Variants in MED1 observed in about 807,000 individuals in gnomAD.
MED1 encodes mediator complex subunit 1, also known as mediator of RNA polymerase II transcription subunit 1.
A neutral mutation model predicts 121.3 loss-of-function variants in MED1; 17 were observed. The ratio of observed to expected loss-of-function variants is 0.14; its 90% CI spans 0.10 to 0.21. The LOEUF (loss-of-function observed/expected upper bound fraction) is 0.21. Ranked by LOEUF, MED1 falls within the 10% of genes least tolerant of loss-of-function variation. The probability of loss-of-function intolerance (pLI) is 1.00; values close to 1 mark genes in which losing one functional copy is unlikely to be tolerated. For missense variants in MED1, 1,558 were observed against 1,919.4 expected (o/e 0.81, Z 3.52); for synonymous variants, 661 against 694.4 (o/e 0.95, Z 0.76).
At chr17:39,423,952 G>T in intron 11 of MED1, 131 bp from the exon 12 acceptor site, 1 of 1,019,242 alleles carries the variant, frequency 9.8e-7, no homozygotes. Flanking sequence ...GCGTGATCTT[G>T]GCTCACTGCA....
rs2048486284 is a variant in MED1, at chr17:39,423,445, C to T, written c.977G>A (p.Gly326Glu). 1 of 1,600,532 alleles carries T rather than the reference C, an allele frequency of 6.2e-7. No homozygotes were observed. Among genetic ancestry groups the T allele is most frequent in the African/African-American group, 1.3e-5 (1 of 74,604 alleles). Residue 326 changes from glycine (G) to glutamate (E), a missense_variant and splice_region_variant, in exon 13 of 17, where the codon GGA becomes GAA. By Grantham distance (98) the Gly-to-Glu change is moderately conservative (BLOSUM62 -2). Around this residue, in one of 5 missense-constraint regions of MED1, gnomAD observed 443 missense variants for 532.4 expected, o/e 0.83. Coordinates refer to ENST00000300651, the MANE Select transcript of MED1 (RefSeq NM_004774.4). ...AFVQKLQNCT[G>E]IPLFETQPTY... ...TGGTTGAGTTTCAAACAATGGAATTCCTGGAAAAACAAGAATCAATATAAT... is the reference window on the plus strand; with the variant it reads ...TGGTTGAGTTTCAAACAATGGAATTTCTGGAAAAACAAGAATCAATATAAT...
At chr17:39,449,135 C>G (rs1049907187) in intron 1 of MED1, among the ~76,000 whole-genome samples, 2 of 152,016 alleles carry the variant, frequency 1.3e-5, no homozygotes, top group Admixed American at 1.3e-4. Flanking sequence ...TCCCATGCTC[C>G]AGGATCAAGT....
chr17:39,415,356 A>G lies in MED1; in HGVS notation c.1298-17T>C. 1 of 1,588,854 alleles carries G rather than the reference A, an allele frequency of 6.3e-7. No individual in the cohort carries two copies. Among genetic ancestry groups the G allele is most frequent in the East Asian group, 2.2e-5 (1 of 44,706 alleles). ...CAGGAGAATCTAAAAGGCAAAGAGA[A>G]AGATCATAAAACAACCAAATATAAG... On this transcript the variant is annotated splice_polypyrimidine_tract_variant and intron_variant, in intron 14 of 16. Transcript: ENST00000300651.
At chr17:39,439,982 G>T (rs1467797856) in intron 5 of MED1, among the ~76,000 whole-genome samples, 1 of 119,628 alleles carries the variant, frequency 8.4e-6, no homozygotes, top group African/African-American at 3.3e-5. Flanking sequence ...AAGAAAGAAA[G>T]AAAGAAGGAA....
In MED1 at chr17:39,423,756, T is replaced by C. The variant is rs1394801829; in HGVS notation, c.917A>G (p.Lys306Arg). The part of the protein sequence containing the change: ...SVDLPACFFL[K>R]FPQPIPVSRA... ...AGATACTGGGATTGGCTGGGGAAAT[T>C]TCAAGAAGAAACAGGCAGGAAGATC... Residue 306 changes from lysine to arginine, a missense_variant, in exon 12 of 17, where the codon AAA becomes AGA. Physicochemically the swap from Lys to Arg is conservative, Grantham distance 26. Transcript: ENST00000300651. 20 of 1,613,950 alleles carry C rather than the reference T, an allele frequency of 1.2e-5. No homozygotes were observed. Among genetic ancestry groups the C allele is most frequent in the Non-Finnish European group, 1.5e-5 (18 of 1,179,976 alleles).
Position 39,408,983 on chromosome 17 carries a change from G to A in MED1, c.3238C>T (p.His1080Tyr). The change falls in exon 17 of 17, where the codon CAC becomes TAC. Residue 1080 changes from histidine (H) to tyrosine (Y), a missense_variant. His to Tyr is a moderately conservative substitution (Grantham distance 83). Coordinates refer to ENST00000300651, the MANE Select transcript of MED1 (RefSeq NM_004774.4). The surrounding 1 kb of genome is among the most constrained non-coding windows in gnomAD (Gnocchi z 4.7). ...GAACCACTGCTGGTATACTGACTGTGAGAGGAAGGCTTGCCCACCATCACT... is the reference window on the plus strand; with the variant it reads ...GAACCACTGCTGGTATACTGACTGTAAGAGGAAGGCTTGCCCACCATCACT... ...GTVMVGKPSS[H>Y]SQYTSSGSVS... is the part of the protein sequence containing the mutation. 1 of 1,614,216 alleles carries A rather than the reference G, an allele frequency of 6.2e-7. No homozygotes were observed. The highest frequency in any genetic ancestry group is 8.5e-7 in the Non-Finnish European group (1 of 1,180,038).
intron 5 of MED1, among the ~76,000 whole-genome samples, chr17:39,439,857 G>A (rs2048654790): frequency 2.0e-5 from 3 of 151,438 alleles, no homozygotes. Flanking sequence ...AGAATTGCTT[G>A]AATCCAGGAG....
At chr17:39,425,297 T>G (rs1297030619) in intron 10 of MED1, among the ~76,000 whole-genome samples, 1 of 152,092 alleles carries the variant, frequency 6.6e-6, no homozygotes, top group Non-Finnish European at 1.5e-5. Context: ...TTCAAGAAAT[T>G]TTCATGCCTC....
Position 39,407,703 on chromosome 17 carries a change from T to G in MED1, c.4518A>C (p.Lys1506Asn). The G allele has an allele frequency of 6.2e-7, 1 of 1,614,150 alleles. No individual in the cohort carries two copies. The highest frequency in any genetic ancestry group is 8.5e-7 in the Non-Finnish European group (1 of 1,179,994). Residue 1506 changes from lysine (K) to asparagine (N), a missense_variant, in exon 17 of 17, where the codon AAA becomes AAC. This residue lies in a region of MED1 where 264 missense variants were observed against 326.1 expected (regional missense o/e 0.81). Transcript: ENST00000300651. ...CTCGGTCCCTATCTTTGTCTTTTAC[T>G]TTCTTCTTTTCCTTTTTGTGCTTCT... ...KHKKHKKEKKKVKDKDRDRDR... is the reference protein window; with the variant it reads ...KHKKHKKEKKNVKDKDRDRDR...
At position 39,423,836 on chromosome 17, in the gene MED1, G is replaced by A. The variant is rs375838671; in HGVS notation, c.852-15C>T. 4 of 1,591,538 alleles carry A rather than the reference G, an allele frequency of 2.5e-6. No homozygotes were observed. Among genetic ancestry groups the A allele is most frequent in the Non-Finnish European group, 3.4e-6 (4 of 1,172,986 alleles). On this transcript the variant is annotated splice_polypyrimidine_tract_variant and intron_variant, in intron 11 of 16. Transcript: ENST00000300651. Reference sequence around the variant, plus strand: ...AGGAAGGGGTCCTTCAAAAAAAAGAGGGTGGAAGGGTTGGATTCTGACTTG... The same window carrying A: ...AGGAAGGGGTCCTTCAAAAAAAAGAAGGTGGAAGGGTTGGATTCTGACTTG...
chr17:39,408,405 G>A lies in MED1; in HGVS notation c.3816C>T (p.Ser1272=). 6.2e-7 allele frequency: 1 copy of A among 1,614,102 alleles called. No individual in the cohort carries two copies. Among genetic ancestry groups the A allele is most frequent in the African/African-American group, 1.3e-5 (1 of 75,016 alleles). Residue 1272 remains serine, a synonymous_variant, in exon 17 of 17, where the codon TCC becomes TCT. Transcript: ENST00000300651. The surrounding 1 kb of genome is among the most constrained non-coding windows in gnomAD (Gnocchi z 4.7). Reference sequence around the variant, plus strand: ...ACATGGAAGAGCCACTTGAGGAAAAGGAGGAGGAAGATGCCGTACAGGAAT... The same window carrying A: ...ACATGGAAGAGCCACTTGAGGAAAAAGAGGAGGAAGATGCCGTACAGGAAT... ...SSNSCTASSS[S]FSSSGSSMSS...
chr17:39,409,254 G>T lies in MED1; in HGVS notation c.2967C>A (p.Asp989Glu). Residue 989 changes from aspartate (D) to glutamate (E), a missense_variant, in exon 17 of 17, where the codon GAC (aspartate) becomes GAA (glutamate). Coordinates refer to ENST00000300651, the MANE Select transcript of MED1 (RefSeq NM_004774.4). ...SNSTLSGPGLDSKPGKRSRTP... is the reference protein window; with the variant it reads ...SNSTLSGPGLESKPGKRSRTP... ...TCCGACTGCGCTTCCCTGGTTTGCT[G>T]TCTAATCCGGGCCCCGAGAGAGTAC... The T allele has an allele frequency of 6.2e-7, 1 of 1,614,082 alleles. No homozygotes were observed. Among genetic ancestry groups the T allele is most frequent in the Non-Finnish European group, 8.5e-7 (1 of 1,180,018 alleles).
rs780878670 is a variant in MED1 at position 39,409,195 on chromosome 17, G to A, written c.3026C>T (p.Pro1009Leu). ...AGTGTCTGCCTTCTTCCGCTTTGGAGGCTTATCTTTGCTTTTCCCATCATT... is the reference window on the plus strand; with the variant it reads ...AGTGTCTGCCTTCTTCCGCTTTGGAAGCTTATCTTTGCTTTTCCCATCATT... ...PSNDGKSKDK[P>L]PKRKKADTEG... The change falls in exon 17 of 17, where the codon CCT becomes CTT. Residue 1009 changes from proline (P) to leucine (L), a missense_variant. By Grantham distance (98) the Pro-to-Leu change is moderately conservative. Transcript: ENST00000300651. The A allele has an allele frequency of 4.3e-6, 7 of 1,614,132 alleles. No individual in the cohort carries two copies. Among genetic ancestry groups the A allele is most frequent in the Non-Finnish European group, 5.9e-6 (7 of 1,180,026 alleles).
Position 39,408,970 on chromosome 17 carries a change from G to A in MED1, c.3251C>T (p.Thr1084Ile), listed in dbSNP as rs775013920. 5.6e-6 allele frequency: 9 copies of A among 1,614,054 alleles called. No individual in the cohort carries two copies. In the South Asian group the frequency reaches 9.9e-5, roughly 18 times the overall value. Residue 1084 changes from threonine (T) to isoleucine (I), a missense_variant, in exon 17 of 17, where the codon ACC becomes ATC. Thr to Ile is a moderately conservative substitution (Grantham distance 89). This residue lies in a region of MED1 where 793 missense variants were observed against 898.2 expected (regional missense o/e 0.88). Coordinates refer to ENST00000300651, the MANE Select transcript of MED1 (RefSeq NM_004774.4). This position sits in a 1 kb window ranked among gnomAD's most constrained non-coding sequence, Gnocchi z 4.7. ...TGAGGAAGACACAGAACCACTGCTGGTATACTGACTGTGAGAGGAAGGCTT... is the reference window on the plus strand; with the variant it reads ...TGAGGAAGACACAGAACCACTGCTGATATACTGACTGTGAGAGGAAGGCTT... ...VGKPSSHSQY[T>I]SSGSVSSSGS...
rs143044541 is a variant in MED1, at chr17:39,407,676, G to A, written c.4545C>T (p.Asp1515=). 211 of 1,613,990 alleles carry A rather than the reference G, an allele frequency of 1.3e-4. 1 individual carries two copies. In the African/African-American group the frequency reaches 2.6e-3, roughly 20 times the overall value. The change falls in exon 17 of 17, where the codon GAC becomes GAT. Residue 1515 remains aspartate, a synonymous_variant. Transcript: ENST00000300651. ...KKVKDKDRDR[D]RDKDRDKKKS... is the part of the protein sequence containing the mutation. ...TTTTCTTGTCTCGGTCTTTGTCCCG[G>A]TCTCGGTCCCTATCTTTGTCTTTTA... is the stretch of plus-strand genomic sequence containing the variant.
In MED1 at chr17:39,451,147, C is replaced by T. The variant is rs2048778835; in HGVS notation, c.-85G>A. The stretch of plus-strand genomic sequence containing the variant: ...CGGAGGAAACAAGTTGGCTCGGGAT[C>T]CCGGGACGCAGGGCACCAGCAGTCC... On this transcript the variant is annotated 5_prime_UTR_variant, in exon 1 of 17. Transcript: ENST00000300651. The T allele has an allele frequency of 6.6e-7, 1 of 1,515,186 alleles. No individual in the cohort carries two copies. Among genetic ancestry groups the T allele is most frequent in the Middle Eastern group, 1.7e-4 (1 of 5,882 alleles). The allele number at this position is 1,515,186 out of a possible 1,614,324, so 93.9% of individuals were successfully genotyped here. A position where few individuals can be genotyped will look rare whatever the true frequency, so the allele number is the denominator to read the frequency against.
rs148664556 is a variant in MED1 at position 39,410,202 on chromosome 17, G to A, written c.2019C>T (p.Ser673=). 198 of 1,614,040 alleles carry A rather than the reference G, an allele frequency of 1.2e-4. No homozygotes were observed. In the African/African-American group the frequency reaches 1.9e-3, roughly 16 times the overall value. The change falls in exon 17 of 17, where the codon TCC becomes TCT. Residue 673 remains serine (S), a synonymous_variant. Coordinates refer to ENST00000300651, the MANE Select transcript of MED1 (RefSeq NM_004774.4). ...AGCATATTTCCATGCGGGGTGAGCC[G>A]GAAGAGGAGTTCTGCCTTTCTAAAG... is the stretch of plus-strand genomic sequence containing the variant. ...SSPLERQNSS[S]GSPRMEICSG... is the part of the protein sequence containing the mutation.
At chr17:39,445,504 G>A (rs965722012) in intron 2 of MED1, 10 of 151,672 alleles carry the variant, frequency 6.6e-5, no homozygotes, top group South Asian at 2.1e-4. Flanking sequence ...GAACCACCAC[G>A]CCCAGCCATG....
chr17:39,415,814 CAAAAAAAA>C (rs61614470), intron 14 of MED1, among the ~76,000 whole-genome samples: 19 of 40,638 alleles, frequency 4.7e-4, no homozygotes, highest in South Asian at 2.5e-3. Flanking sequence ...GACTCCATCT[CAAAAAAAA>C]AAAAAAAAAA....
Sources: allele counts gnomAD v4.1 joint callset (sites outside exome capture counted in the v4.1 genomes callset), GRCh38; gene constraint gnomAD v4.1.1; regional missense constraint gnomAD v4.1.1; non-coding constraint Gnocchi (gnomAD v3.1); transcripts MANE v1.5; gene names NCBI Gene and HGNC (gene_info 2026-07-23, HGNC 2026-07-21).